The following MNAT1 variants were observed in gnomAD, a reference collection of about 807,000 sequenced individuals.
MNAT1 encodes MNAT1 component of CDK activating kinase, also known as CDK-activating kinase assembly factor MAT1.
A neutral mutation model predicts 42.0 loss-of-function variants in MNAT1; 43 were observed. The ratio of observed to expected loss-of-function variants is 1.02; its 90% CI spans 0.80 to 1.32. MNAT1 has a LOEUF of 1.32. Ranked by LOEUF, MNAT1 falls within the 40% of genes most tolerant of loss-of-function variation. MNAT1 has a pLI of 0.00. For synonymous variants in MNAT1, 118 were observed against 120.0 expected (o/e 0.98, Z 0.11); for missense variants, 306 against 350.4 (o/e 0.87, Z 1.01).
intron 7 of MNAT1, among the ~76,000 whole-genome samples, chr14:60,939,638 T>G (rs180747266): frequency 1.3e-5 from 2 of 152,260 alleles, no homozygotes; most frequent in African/African-American, 4.8e-5. Context: ...TACTGAGGAG[T>G]GCTTTACTTC....
chr14:60,889,670 C>A (rs1383547494), intron 7 of MNAT1, among the ~76,000 whole-genome samples: 1 of 152,080 alleles, frequency 6.6e-6, no homozygotes, highest in Non-Finnish European at 1.5e-5. Context: ...AGGCAACCTA[C>A]AAAATGGGAG....
chr14:60,810,600 A>G (rs1309320587), intron 4 of MNAT1, among the ~76,000 whole-genome samples: 2 of 151,984 alleles, frequency 1.3e-5, no homozygotes, highest in East Asian at 1.9e-4. Context: ...CTTTGACCCA[A>G]TGATTATTTG....
intron 6 of MNAT1, among the ~76,000 whole-genome samples, chr14:60,875,048 G>C (rs1230462149): frequency 6.6e-6 from 1 of 152,056 alleles, no homozygotes; most frequent in African/African-American, 2.4e-5. Flanking sequence ...TGTCATTTAT[G>C]AACTTTGTCT....
At chr14:60,780,582 C>G (rs2031422761) in intron 1 of MNAT1, 2 of 1,497,758 alleles carry the variant, frequency 1.3e-6, no homozygotes, top group African/African-American at 2.8e-5. Context: ...TACAAAATTC[C>G]TGTCAATGAC....
chr14:60,863,787 C>T (rs1434100119), intron 6 of MNAT1, among the ~76,000 whole-genome samples: 1 of 151,796 alleles, frequency 6.6e-6, no homozygotes, highest in Non-Finnish European at 1.5e-5. Context: ...TTTTGTAGTT[C>T]GTCTCATAAA....
intron 6 of MNAT1, among the ~76,000 whole-genome samples, chr14:60,843,429 C>T (rs1278506183): frequency 6.6e-6 from 1 of 151,950 alleles, no homozygotes; most frequent in Non-Finnish European, 1.5e-5. Context: ...CACCACCATG[C>T]CCGGCTAATT....
intron 1 of MNAT1, among the ~76,000 whole-genome samples, chr14:60,763,465 G>C (rs1321364119): frequency 2.0e-5 from 3 of 152,064 alleles, no homozygotes; most frequent in Non-Finnish European, 4.4e-5. Context: ...ATAAAATAGG[G>C]TACAGAGTGA....
intron 1 of MNAT1, among the ~76,000 whole-genome samples, chr14:60,778,995 T>C (rs537013813): frequency 6.6e-6 from 1 of 152,280 alleles, no homozygotes; most frequent in East Asian, 1.9e-4. Flanking sequence ...GAGGTTCTTG[T>C]CTCCAGAAGT....
At chr14:60,805,292 A>G (rs1475606014) in intron 3 of MNAT1, among the ~76,000 whole-genome samples, 3 of 151,986 alleles carry the variant, frequency 2.0e-5, no homozygotes, top group Non-Finnish European at 2.9e-5. Flanking sequence ...CAAAAAGTAT[A>G]GAGAATTCCT....
At chr14:60,796,842 G>T (rs2032034296) in intron 2 of MNAT1, among the ~76,000 whole-genome samples, 1 of 152,114 alleles carries the variant, frequency 6.6e-6, no homozygotes, top group Admixed American at 6.5e-5. Context: ...TGTTGCTGTG[G>T]TCAATGATGT....
chr14:60,789,444 C>A (rs1352855200), intron 1 of MNAT1, among the ~76,000 whole-genome samples: 1 of 152,094 alleles, frequency 6.6e-6, no homozygotes, highest in African/African-American at 2.4e-5. Flanking sequence ...AAAAATGGTG[C>A]CGATAGACTC....
chr14:60,832,041 G>A (rs939299168), intron 6 of MNAT1, among the ~76,000 whole-genome samples: 2 of 151,830 alleles, frequency 1.3e-5, no homozygotes, highest in Non-Finnish European at 2.9e-5. Flanking sequence ...TTTTTTTCTT[G>A]TAAATTTGTG....
At chr14:60,926,196 C>T (rs1376457449) in intron 7 of MNAT1, among the ~76,000 whole-genome samples, 7 of 152,164 alleles carry the variant, frequency 4.6e-5, no homozygotes, top group East Asian at 3.9e-4. Flanking sequence ...AAACAAAATG[C>T]GCTTCCTACT....
At chr14:60,951,677 T>C (rs1423796353) in intron 7 of MNAT1, among the ~76,000 whole-genome samples, 1 of 152,182 alleles carries the variant, frequency 6.6e-6, no homozygotes, top group Admixed American at 6.5e-5. Context: ...TTAGAATTTC[T>C]TTCAGTTTAT....
intron 6 of MNAT1, among the ~76,000 whole-genome samples, chr14:60,825,128 G>T (rs943326688): frequency 1.3e-5 from 2 of 152,138 alleles, no homozygotes; most frequent in African/African-American, 4.8e-5. Context: ...CTAGAGTCTG[G>T]AACAGGCATT....
At chr14:60,909,825 A>G (rs1301617745) in intron 7 of MNAT1, among the ~76,000 whole-genome samples, 4 of 152,008 alleles carry the variant, frequency 2.6e-5, no homozygotes, top group Non-Finnish European at 5.9e-5. Flanking sequence ...TTGGTTCCAT[A>G]TGAACTTTAA....
intron 7 of MNAT1, among the ~76,000 whole-genome samples, chr14:60,897,314 G>A (rs896663499): frequency 2.0e-5 from 3 of 151,918 alleles, no homozygotes; most frequent in Non-Finnish European, 4.4e-5. Flanking sequence ...AGCACTGCTA[G>A]TTTATATTTA....
At chr14:60,760,720 G>A (rs1046911831) in intron 1 of MNAT1, among the ~76,000 whole-genome samples, 4 of 152,130 alleles carry the variant, frequency 2.6e-5, no homozygotes, top group Non-Finnish European at 5.9e-5. Flanking sequence ...CAATTACTAT[G>A]AGATCTATTC....
intron 1 of MNAT1, among the ~76,000 whole-genome samples, chr14:60,774,286 A>G (rs1386277787): frequency 6.6e-6 from 1 of 152,194 alleles, no homozygotes; most frequent in Non-Finnish European, 1.5e-5. Flanking sequence ...TGGGAAGAAC[A>G]GAATGTATGG....
Sources: gnomAD v4.1 joint callset for allele counts (sites outside exome capture counted in the v4.1 genomes callset) on GRCh38, gnomAD v4.1.1 for gene constraint, MANE v1.5 for transcripts, NCBI Gene and HGNC (gene_info 2026-07-23, HGNC 2026-07-21) for gene names.